Variants in PDCD7 observed in about 807,000 individuals in gnomAD.
PDCD7 encodes programmed cell death 7, also known as programmed cell death protein 7.
In PDCD7, 40 loss-of-function variants were observed where a neutral mutation model predicts 42.1. The observed-to-expected ratio is 0.95, with a 90% CI of 0.74 to 1.24. The LOEUF (loss-of-function observed/expected upper bound fraction) is 1.24, where lower values mean the gene tolerates loss of function less well. Among genes scored for constraint, PDCD7 ranks in the 50% most tolerant of loss-of-function variants. The pLI, the probability that PDCD7 is intolerant of heterozygous loss-of-function variation, is 0.00. For missense variants in PDCD7, 644 were observed against 662.8 expected (o/e 0.97, Z 0.31); for synonymous variants, 299 against 303.3 (o/e 0.99, Z 0.15).
Position 65,122,587 on chromosome 15 carries a change from A to G in PDCD7, c.1010-2633T>C, listed in dbSNP as rs73475037. Among the ~76,000 whole-genome samples, 956 of 152,298 alleles carry G rather than the reference A, an allele frequency of 6.3e-3. 7 individuals are homozygous for G. The highest frequency in any genetic ancestry group is 0.021 in the African/African-American group (892 of 41,554). On this transcript the variant is annotated intron_variant, in intron 2 of 4. Transcript: ENST00000204549. The stretch of plus-strand genomic sequence containing the variant: ...GTATCCTATTTCATCAAATCAATAC[A>G]CTAGAATATACTTATCAAGTTCCCT...
In PDCD7 at chr15:65,132,982, G is replaced by GCCCGCGCGGCCTCTGCCT. The variant is rs1344708078; in HGVS notation, c.782_799dup (p.Glu261_Arg266dup). The GCCCGCGCGGCCTCTGCCT allele has an allele frequency of 1.9e-6, 3 of 1,605,552 alleles. No individual in the cohort carries two copies. The highest frequency in any genetic ancestry group is 2.2e-5 in the East Asian group (1 of 44,862). Reference sequence around the variant, plus strand: ...GTCAATCTCCTGCTCGCGTTCCACTGCCCGCGCGGCCTCTGCCTCCCGCTC... The same window carrying GCCCGCGCGGCCTCTGCCT: ...GTCAATCTCCTGCTCGCGTTCCACTGCCCGCGCGGCCTCTGCCTCCCGCGCGGCCTCTGCCTCCCGCTC... On this transcript the variant is annotated inframe_insertion, in exon 1 of 5. Coordinates refer to ENST00000204549, the MANE Select transcript of PDCD7 (RefSeq NM_005707.2).
chr15:65,127,599 G>A (rs2087507429), intron 2 of PDCD7, among the ~76,000 whole-genome samples: 1 of 152,180 alleles, frequency 6.6e-6, no homozygotes, highest in Non-Finnish European at 1.5e-5. Flanking sequence ...GCACTTAGTT[G>A]GAGGTGCACA....
intron 1 of PDCD7, among the ~76,000 whole-genome samples, chr15:65,131,791 C>A (rs1405182510): frequency 6.6e-6 from 1 of 152,016 alleles, no homozygotes; most frequent in African/African-American, 2.4e-5. Context: ...ACCATCTGAA[C>A]AATTTCCAGT....
chr15:65,120,723 A>C (rs2087447062), intron 2 of PDCD7, among the ~76,000 whole-genome samples: 1 of 151,978 alleles, frequency 6.6e-6, no homozygotes, highest in South Asian at 2.1e-4. Flanking sequence ...AAAAAGACCA[A>C]AACTTTTTTG....
At chr15:65,128,412 C>T (rs1477928049) in intron 2 of PDCD7, among the ~76,000 whole-genome samples, 8 of 152,150 alleles carry the variant, frequency 5.3e-5, no homozygotes, top group African/African-American at 1.9e-4. Flanking sequence ...TCCAGACAGG[C>T]AAATGGAAAG....
In PDCD7 at chr15:65,119,444, G is replaced by A. The variant is rs190602222; in HGVS notation, c.1266C>T (p.His422=). Residue 422 remains histidine, a synonymous_variant, in exon 4 of 5, where the codon CAC becomes CAT. Transcript: ENST00000204549. ...FGDPDEFPLA[H]LLEPFRQYYL... is the part of the protein sequence containing the mutation. The stretch of plus-strand genomic sequence containing the variant: ...AATACTGTCGGAAAGGCTCCAAGAG[G>A]TGAGCAAGTGGGAACTCATCTGAAA... 37 of 1,613,398 alleles carry A rather than the reference G, an allele frequency of 2.3e-5. No individual in the cohort carries two copies. In the East Asian group the frequency reaches 8.2e-4, roughly 36 times the overall value.
Position 65,118,772 on chromosome 15 carries a change from AC to A in PDCD7, c.1402del (p.Val468SerfsTer35). ...PKGNFVPQGW[V>X]LPPLPSNDIW... Reference sequence around the variant, plus strand: ...GTCGTTGCTGGGGAGCGGGGGAAGGACCCATCCTTGGGGAACGAAGTTGCCT... The same window carrying A: ...GTCGTTGCTGGGGAGCGGGGGAAGGACCATCCTTGGGGAACGAAGTTGCCT... On this transcript the variant is annotated frameshift_variant, in exon 5 of 5. Transcript: ENST00000204549. LOFTEE classifies it high-confidence loss of function. 6.2e-7 allele frequency: 1 copy of A among 1,610,842 alleles called. No individual in the cohort carries two copies. The highest frequency in any genetic ancestry group is 1.1e-5 in the South Asian group (1 of 90,088).
Position 65,132,949 on chromosome 15 carries a change from C to G in PDCD7, c.833G>C (p.Arg278Thr), listed in dbSNP as rs1421976942. 6.2e-7 allele frequency: 1 copy of G among 1,606,356 alleles called. No individual in the cohort carries two copies. The highest frequency in any genetic ancestry group is 1.3e-5 in the African/African-American group (1 of 75,056). Residue 278 changes from arginine (R) to threonine (T), a missense_variant, in exon 1 of 5, where the codon AGG becomes ACG. Physicochemically the swap from Arg to Thr is moderately conservative, Grantham distance 71. Coordinates refer to ENST00000204549, the MANE Select transcript of PDCD7 (RefSeq NM_005707.2). ...CTCCACCTCCTGCACACACTTCACC[C>G]TCCAGCGGTCAATCTCCTGCTCGCG... ...VEREQEIDRW[R>T]VKCVQEVEEK...
rs1185993719 is a variant in PDCD7, at chr15:65,133,223, G to A, written c.559C>T (p.Arg187Trp). Residue 187 changes from arginine to tryptophan, a missense_variant, in exon 1 of 5, where the codon CGG becomes TGG. Transcript: ENST00000204549. ...AGGGCCTGGCTCAGGCCGCGCAGCC[G>A]CCGCACCAGGCGCAGAGCCCGGAGC... ...RLLRALRLVRRLRGLSQALRE... is the reference protein window; with the variant it reads ...RLLRALRLVRWLRGLSQALRE... The A allele has an allele frequency of 2.0e-5, 28 of 1,379,874 alleles. No homozygotes were observed. Among genetic ancestry groups the A allele is most frequent in the Non-Finnish European group, 2.6e-5 (28 of 1,076,520 alleles). 85.5% of individuals were successfully genotyped at this position (1,379,874 alleles called of 1,614,324 possible).
intron 2 of PDCD7, among the ~76,000 whole-genome samples, chr15:65,124,952 A>G (rs970702987): frequency 2.5e-4 from 38 of 152,110 alleles, no homozygotes; most frequent in Non-Finnish European, 5.6e-4. Flanking sequence ...CCCTGCAACC[A>G]TCTTCCACAA....
Position 65,133,624 on chromosome 15 carries a change from G to A in PDCD7, c.158C>T (p.Ala53Val), listed in dbSNP as rs1316841552. The A allele has an allele frequency of 1.0e-5, 13 of 1,250,426 alleles. No individual in the cohort carries two copies. Among genetic ancestry groups the A allele is most frequent in the Non-Finnish European group, 1.3e-5 (13 of 995,358 alleles). The allele number at this position is 1,250,426 out of a possible 1,614,324, so 77.5% of individuals were successfully genotyped here. The change falls in exon 1 of 5, where the codon GCC becomes GTC. Residue 53 changes from alanine to valine, a missense_variant. Ala to Val is a moderately conservative substitution (Grantham distance 64). Coordinates refer to ENST00000204549, the MANE Select transcript of PDCD7 (RefSeq NM_005707.2). ...AGCCAGCGGAGGCTGAAGGAAGGGG[G>A]CGGAGGCCCCCGGAAAAGGGCCGGG... is the stretch of plus-strand genomic sequence containing the variant. ...QRPGPFPGAS[A>V]PFLQPPLALQ...
chr15:65,127,212 C>T (rs528231432), intron 2 of PDCD7, among the ~76,000 whole-genome samples: 15 of 152,240 alleles, frequency 9.9e-5, no homozygotes, highest in African/African-American at 3.1e-4. Flanking sequence ...AATCCCAGCA[C>T]TTTGGGAGGC....
rs116517400 is a variant in PDCD7, at chr15:65,121,752, C to G, written c.1010-1798G>C. 4.1e-3 allele frequency among the ~76,000 whole-genome samples: 626 copies of G among 152,246 alleles called. 3 individuals are homozygous for G. The highest frequency in any genetic ancestry group is 0.014 in the African/African-American group (599 of 41,516). On this transcript the variant is annotated intron_variant, in intron 2 of 4. Coordinates refer to ENST00000204549, the MANE Select transcript of PDCD7 (RefSeq NM_005707.2). ...AAATAGTCAGGTTATTAGGTGATATCAAAGAATTACTGCTAATTTTTTTGG... is the reference window on the plus strand; with the variant it reads ...AAATAGTCAGGTTATTAGGTGATATGAAAGAATTACTGCTAATTTTTTTGG...
At position 65,133,316 on chromosome 15, in the gene PDCD7, G is replaced by C; in HGVS notation, c.466C>G (p.Arg156Gly). Residue 156 changes from arginine to glycine, a missense_variant, in exon 1 of 5, where the codon CGG (arginine) becomes GGG (glycine). Transcript: ENST00000204549. ...CGCTGGGGCACCGGACAGCCTGCCC[G>C]CCGCGGGGTCCCGAACACCGCCTCC... is the stretch of plus-strand genomic sequence containing the variant. ...WLEAVFGTPRRAGCPVPQRTH... is the reference protein window; with the variant it reads ...WLEAVFGTPRGAGCPVPQRTH... 2 of 1,293,748 alleles carry C rather than the reference G, an allele frequency of 1.5e-6. No individual in the cohort carries two copies. The highest frequency in any genetic ancestry group is 2.0e-6 in the Non-Finnish European group (2 of 1,023,796). 80.1% of individuals were successfully genotyped at this position (1,293,748 alleles called of 1,614,324 possible). A position where few individuals can be genotyped will look rare whatever the true frequency, so the allele number is the denominator to read the frequency against.
intron 1 of PDCD7, among the ~76,000 whole-genome samples, chr15:65,130,833 ACT>A (rs1490677838): frequency 2.0e-5 from 3 of 149,244 alleles, no homozygotes; most frequent in Non-Finnish European, 4.4e-5. Context: ...ACAGTGCGAG[ACT>A]CTGTCTCAGA....
In PDCD7 at chr15:65,129,084, T is replaced by C. The variant is rs746272290; in HGVS notation, c.957A>G (p.Leu319=). 73 of 1,613,912 alleles carry C rather than the reference T, an allele frequency of 4.5e-5. No homozygotes were observed. The highest frequency in any genetic ancestry group is 1.6e-4 in the Middle Eastern group (1 of 6,082). The change falls in exon 2 of 5, where the codon CTA becomes CTG. Residue 319 remains leucine (L), a synonymous_variant. Transcript: ENST00000204549. The part of the protein sequence containing the change: ...QADTKRMVDI[L]RALEKLRKLR... ...GTTTCCTCAATTTCTCCAAAGCCCG[T>C]AGAATGTCCACCATTCTTTTGGTAT...
Position 65,118,713 on chromosome 15 carries a change from T to G in PDCD7, c.*4A>C, listed in dbSNP as rs1339339264. On this transcript the variant is annotated 3_prime_UTR_variant, in exon 5 of 5. Coordinates refer to ENST00000204549, the MANE Select transcript of PDCD7 (RefSeq NM_005707.2). The stretch of plus-strand genomic sequence containing the variant: ...GGCTGGACCACACTCCTGGAGCATC[T>G]TTACTAATGCAGCTTAACAGCAGTT... The G allele has an allele frequency of 1.9e-6, 3 of 1,600,306 alleles. No homozygotes were observed. The highest frequency in any genetic ancestry group is 2.6e-6 in the Non-Finnish European group (3 of 1,173,998).
At chr15:65,119,313 C>A in intron 4 of PDCD7, 63 bp downstream of exon 4, 1 of 1,069,728 alleles carries the variant, frequency 9.3e-7, no homozygotes, top group Non-Finnish European at 1.4e-6. Context: ...ACAATGTAAG[C>A]ACTTCTTCAA....
intron 2 of PDCD7, among the ~76,000 whole-genome samples, chr15:65,127,710 C>T (rs2087508233): frequency 6.6e-6 from 1 of 152,162 alleles, no homozygotes; most frequent in Admixed American, 6.6e-5. Flanking sequence ...GCCACAAAGT[C>T]TGTTTATTTC....
Sources: gnomAD v4.1 joint callset for allele counts (sites outside exome capture counted in the v4.1 genomes callset) on GRCh38, gnomAD v4.1.1 for gene constraint, MANE v1.5 for transcripts, NCBI Gene and HGNC (gene_info 2026-07-23, HGNC 2026-07-21) for gene names.